ADGRB3: variants seen among roughly 807,000 people sequenced by gnomAD.
The protein encoded by ADGRB3 is adhesion G protein-coupled receptor B3.
In ADGRB3, 37 loss-of-function variants were observed where a neutral mutation model predicts 193.4. That is an observed-to-expected ratio of 0.19 (90% confidence interval 0.15 to 0.25). ADGRB3 has a LOEUF of 0.25. Among genes scored for constraint, ADGRB3 ranks in the 10% least tolerant of loss-of-function variants. ADGRB3 has a pLI of 1.00. For synonymous variants in ADGRB3, 690 were observed against 644.2 expected, an observed-to-expected ratio of 1.07 and a Z score of -1.08; for missense variants, 1,637 against 1,852.9, an observed-to-expected ratio of 0.88 and a Z score of 2.14.
intron 20 of ADGRB3, among the ~76,000 whole-genome samples, chr6:69,324,608 T>C (rs1768529100): frequency 2.6e-5 from 4 of 152,186 alleles, no homozygotes; most frequent in Admixed American, 6.6e-5. Flanking sequence ...TAATCTCCCT[T>C]GAGTTCAAAT....
chr6:69,314,684 G>A (rs1280449279), intron 20 of ADGRB3, among the ~76,000 whole-genome samples: 5 of 151,558 alleles, frequency 3.3e-5, no homozygotes, highest in African/African-American at 4.8e-5. Context: ...GGGAAAGAAA[G>A]CATGGGCCAA....
chr6:69,067,657 A>T (rs1771947051), intron 16 of ADGRB3, among the ~76,000 whole-genome samples: 1 of 152,076 alleles, frequency 6.6e-6, no homozygotes, highest in Non-Finnish European at 1.5e-5. Flanking sequence ...CCCTAGCTTT[A>T]TCCATTTGGA....
intron 17 of ADGRB3, among the ~76,000 whole-genome samples, chr6:69,133,689 T>G (rs971977286): frequency 6.6e-6 from 1 of 151,558 alleles, no homozygotes; most frequent in Admixed American, 6.6e-5. Flanking sequence ...TTTTTTTTTC[T>G]TATTATTTTT....
chr6:69,308,981 A>C (rs1768123251), intron 20 of ADGRB3, among the ~76,000 whole-genome samples: 1 of 151,730 alleles, frequency 6.6e-6, no homozygotes. Context: ...CCATGTGCCA[A>C]CATCATATTT....
rs149936434 is a variant in ADGRB3 at position 68,681,316 on chromosome 6, CTTTAT to C, written c.757+41898_757+41902del. 3.1e-3 allele frequency among the ~76,000 whole-genome samples: 478 copies of C among 152,206 alleles called. 4 individuals carry two copies. Among genetic ancestry groups the C allele is most frequent in the African/African-American group, 0.011 (465 of 41,518 alleles). ...CAAATATCCAAACTATATCATGCCACTTTATTTTATTTTATTTTGTTTTGTAGAGA... is the reference window on the plus strand; with the variant it reads ...CAAATATCCAAACTATATCATGCCACTTTATTTTATTTTGTTTTGTAGAGA... On this transcript the variant is annotated intron_variant, in intron 3 of 31. Transcript: ENST00000370598.
At chr6:68,795,558 A>G (rs1041592377) in intron 3 of ADGRB3, among the ~76,000 whole-genome samples, 1 of 152,140 alleles carries the variant, frequency 6.6e-6, no homozygotes, top group Non-Finnish European at 1.5e-5. Flanking sequence ...CTTAGCTGCT[A>G]GAGGTCAAAT....
At chr6:69,272,644 A>T (rs945444351) in intron 20 of ADGRB3, among the ~76,000 whole-genome samples, 21 of 152,328 alleles carry the variant, frequency 1.4e-4, no homozygotes, top group African/African-American at 4.8e-4. Context: ...TTAGAAACAC[A>T]AAATTGACTA....
intron 17 of ADGRB3, among the ~76,000 whole-genome samples, chr6:69,222,453 T>C (rs1488909478): frequency 2.0e-5 from 3 of 152,216 alleles, no homozygotes; most frequent in Non-Finnish European, 4.4e-5. Context: ...GCTGGTGATG[T>C]CCTGATGACA....
chr6:68,811,296 T>G (rs1326587869), intron 3 of ADGRB3, among the ~76,000 whole-genome samples: 4 of 152,182 alleles, frequency 2.6e-5, no homozygotes, highest in African/African-American at 9.7e-5. Context: ...TCTGTATAAA[T>G]CCATTGAGAT....
chr6:69,066,485 A>G (rs1457570036), intron 16 of ADGRB3, among the ~76,000 whole-genome samples: 1 of 152,090 alleles, frequency 6.6e-6, no homozygotes, highest in African/African-American at 2.4e-5. Flanking sequence ...GCTTTTTAAC[A>G]AATAGCATTT....
intron 17 of ADGRB3, among the ~76,000 whole-genome samples, chr6:69,176,072 A>G (rs1411012579): frequency 1.3e-5 from 2 of 152,174 alleles, no homozygotes; most frequent in Non-Finnish European, 2.9e-5. Context: ...CTCTAAAATT[A>G]TATCATCAAC....
chr6:68,911,472 C>T (rs55923342), intron 3 of ADGRB3, among the ~76,000 whole-genome samples: 4,479 of 151,914 alleles, frequency 0.029, 196 homozygotes, highest in African/African-American at 0.1. Context: ...CAGCAAACCA[C>T]AAATCTAATT....
intron 3 of ADGRB3, among the ~76,000 whole-genome samples, chr6:68,769,444 A>G (rs569767189): frequency 6.6e-6 from 1 of 152,312 alleles, no homozygotes; most frequent in African/African-American, 2.4e-5. Context: ...AGGAACAGAA[A>G]ACCAAACACC....
chr6:69,121,312 C>G (rs892073199), intron 17 of ADGRB3, among the ~76,000 whole-genome samples: 2 of 152,198 alleles, frequency 1.3e-5, no homozygotes, highest in South Asian at 2.1e-4. Context: ...TCAGAGAGCA[C>G]GGGGTTGGGG....
chr6:68,647,477 A>C (rs553547104), intron 3 of ADGRB3, among the ~76,000 whole-genome samples: 1 of 152,284 alleles, frequency 6.6e-6, no homozygotes, highest in Admixed American at 6.5e-5. Context: ...ATCAATAATG[A>C]TTTAGAGTGC....
chr6:69,327,764 C>T, intron 21 of ADGRB3, 56 bp from the exon 22 acceptor site: 1 of 1,473,638 alleles, frequency 6.8e-7, no homozygotes, highest in East Asian at 2.3e-5. Context: ...TTTCTTAGAC[C>T]AGTATGCATA....
chr6:69,317,133 ATAT>A (rs1768329846), intron 20 of ADGRB3, among the ~76,000 whole-genome samples: 1 of 151,528 alleles, frequency 6.6e-6, no homozygotes, highest in Admixed American at 6.6e-5. Flanking sequence ...TTTTATTATA[ATAT>A]TTATTGTGGA....
intron 3 of ADGRB3, among the ~76,000 whole-genome samples, chr6:68,831,480 T>G (rs1767951863): frequency 6.6e-6 from 1 of 152,114 alleles, no homozygotes; most frequent in South Asian, 2.1e-4. Context: ...GAACAGTTGT[T>G]TTCTCCCTAT....
chr6:69,306,233 C>T (rs779044823), intron 20 of ADGRB3, among the ~76,000 whole-genome samples: 23 of 151,490 alleles, frequency 1.5e-4, no homozygotes, highest in South Asian at 4.1e-4. Context: ...CAACAAATAA[C>T]GCATCACCAT....
Sources: allele counts gnomAD v4.1 joint callset (sites outside exome capture counted in the v4.1 genomes callset), GRCh38; gene constraint gnomAD v4.1.1; transcripts MANE v1.5; gene names NCBI Gene and HGNC (gene_info 2026-07-23, HGNC 2026-07-21).